The following PKD1 variants were observed in gnomAD, a reference collection of about 807,000 sequenced individuals.
The protein encoded by PKD1 is polycystin 1, transient receptor potential channel interacting, also known as polycystin-1.
A neutral mutation model predicts 361.7 loss-of-function variants in PKD1; 81 were observed. That is an observed-to-expected ratio of 0.22 (90% CI 0.19 to 0.27). PKD1 has a LOEUF of 0.27. Ranked by LOEUF, PKD1 falls within the 10% of genes least tolerant of loss-of-function variation. The pLI is 1.00. For synonymous variants in PKD1, 3,615 were observed against 2,818.3 expected (o/e 1.28, Z -8.95); for missense variants, 6,399 against 6,118.3 (o/e 1.05, Z -1.53).
chr16:2,096,898 C>G, intron 34 of PKD1: 1 of 574,772 alleles, frequency 1.7e-6, no homozygotes, highest in Non-Finnish European at 3.1e-6. Context: ...GCCAGCCTCA[C>G]ACAGGAGCCT....
At position 2,103,358 on chromosome 16, in the gene PKD1, T is replaced by A. The variant is rs780567347; in HGVS notation, c.8699A>T (p.Gln2900Leu). ...CACAGCACCGACGGAGGCCTGGGGC[T>A]GGACCACAACGGAGTTGGCGGAGTT... is the stretch of plus-strand genomic sequence containing the variant. Reference protein sequence around the residue: ...SANSANSVVVQPQASVGAVVT... With the variant: ...SANSANSVVVLPQASVGAVVT... Residue 2900 changes from glutamine (Q) to leucine (L), a missense_variant, in exon 23 of 46, where the codon CAG becomes CTG. Transcript: ENST00000262304. The A allele has an allele frequency of 7.5e-6, 12 of 1,604,346 alleles. No individual in the cohort carries two copies. Among genetic ancestry groups the A allele is most frequent in the Non-Finnish European group, 9.3e-6 (11 of 1,179,494 alleles).
Position 2,088,715 on chromosome 16 carries a change from C to T in PKD1, c.*1012G>A. 6 of 1,427,692 alleles carry T rather than the reference C, an allele frequency of 4.2e-6. No individual in the cohort carries two copies. Among genetic ancestry groups the T allele is most frequent in the Middle Eastern group, 1.8e-4 (1 of 5,456 alleles). 88.4% of individuals were successfully genotyped at this position (1,427,692 alleles called of 1,614,324 possible). ...CAGACATAGAGGCACAGATTGCAGT[C>T]AGACAGCTCTTTTATTGACTTTGTC... On this transcript the variant is annotated 3_prime_UTR_variant, in exon 46 of 46. Coordinates refer to ENST00000262304, the MANE Select transcript of PKD1 (RefSeq NM_001009944.3).
rs148812376 is a variant in PKD1, at chr16:2,099,955, G to A, written c.9829C>T (p.Arg3277Cys). The A allele has an allele frequency of 3.3e-4, 515 of 1,563,456 alleles. No individual in the cohort carries two copies. The highest frequency in any genetic ancestry group is 4.2e-4 in the Non-Finnish European group (487 of 1,155,454). The change falls in exon 29 of 46, where the codon CGC (arginine) becomes TGC (cysteine). Residue 3277 changes from arginine to cysteine, a missense_variant. Arg to Cys is a radical substitution (Grantham distance 180). Coordinates refer to ENST00000262304, the MANE Select transcript of PKD1 (RefSeq NM_001009944.3). Reference sequence around the variant, plus strand: ...ACGCAGCAGGTGGCCCTCTGGATGCGAGTGAAACGGCTACGAGGCGGCCGG... The same window carrying A: ...ACGCAGCAGGTGGCCCTCTGGATGCAAGTGAAACGGCTACGAGGCGGCCGG... Reference protein sequence around the residue: ...WDRPPRSRFTRIQRATCCVLL... With the variant: ...WDRPPRSRFTCIQRATCCVLL...
chr16:2,096,982 A>G (rs2091873897), intron 34 of PKD1, 166 bp downstream of exon 34: 1 of 632,164 alleles, frequency 1.6e-6, no homozygotes, highest in African/African-American at 1.8e-5. Flanking sequence ...GGATCCCATG[A>G]GGCTCTTTCC....
chr16:2,132,699 G>A (rs1389566990), intron 1 of PKD1, among the ~76,000 whole-genome samples: 4 of 151,978 alleles, frequency 2.6e-5, no homozygotes, highest in Non-Finnish European at 1.5e-5. Flanking sequence ...GTGGCATGAA[G>A]GAACTGTCTG....
Position 2,092,058 on chromosome 16 carries a change from C to G in PKD1, c.11400G>C (p.Pro3800=), listed in dbSNP as rs780113152. Residue 3800 remains proline (P), a synonymous_variant, in exon 40 of 46, where the codon CCG becomes CCC. Transcript: ENST00000262304. ...CTCGCTCTGCTCACCCCAGCAGATC[C>G]GGCGCTGAATAGGCCCACGTCCCCG... ...NGSGTWAYSA[P]DLLGAWSWGS... is the part of the protein sequence containing the mutation. The G allele has an allele frequency of 2.5e-6, 4 of 1,612,794 alleles. No individual in the cohort carries two copies. The East Asian group carries it at 6.7e-5, about 27-fold the overall frequency.
chr16:2,124,152 G>A (rs2092763569), intron 1 of PKD1, among the ~76,000 whole-genome samples: 2 of 152,190 alleles, frequency 1.3e-5, no homozygotes, highest in Non-Finnish European at 2.9e-5. Context: ...AGCAGAGGGT[G>A]TGGCCAGGCC....
At chr16:2,131,117 G>A (rs1271454569) in intron 1 of PKD1, among the ~76,000 whole-genome samples, 1 of 152,208 alleles carries the variant, frequency 6.6e-6, no homozygotes, top group African/African-American at 2.4e-5. Context: ...ACACCATGGA[G>A]GTGGCACCCC....
At chr16:2,111,969 C>G (rs1181962484) in intron 14 of PKD1, 98 bp from the exon 15 acceptor site, 6 of 1,307,932 alleles carry the variant, frequency 4.6e-6, no homozygotes, top group Non-Finnish European at 6.5e-6. Context: ...GGGTGAACGG[C>G]TGCACCTGCG....
chr16:2,088,906 T>G lies in PKD1; in HGVS notation c.*821A>C. On this transcript the variant is annotated 3_prime_UTR_variant, in exon 46 of 46. Transcript: ENST00000262304. ...GCACACACACACACACACAGTCACC[T>G]TCCTCCACCCTGGGAGCCAGCCCCC... is the stretch of plus-strand genomic sequence containing the variant. 5.0e-6 allele frequency: 2 copies of G among 398,742 alleles called. No individual in the cohort carries two copies. Among genetic ancestry groups the G allele is most frequent in the Non-Finnish European group, 9.2e-6 (2 of 217,090 alleles). 24.7% of individuals were successfully genotyped at this position (398,742 alleles called of 1,614,324 possible). A position where few individuals can be genotyped will look rare whatever the true frequency, so the allele number is the denominator to read the frequency against.
Position 2,113,177 on chromosome 16 carries a change from G to A in PKD1, c.2969C>T (p.Ala990Val), listed in dbSNP as rs995939747. ...VVFNVIYQSAAVFKLSLTASN... is the reference protein window; with the variant it reads ...VVFNVIYQSAVVFKLSLTASN... Reference sequence around the variant, plus strand: ...CCCACCTACTGAGAGCTTGAAGACCGCCGCGCTCTGATAAATGACATTGAA... The same window carrying A: ...CCCACCTACTGAGAGCTTGAAGACCACCGCGCTCTGATAAATGACATTGAA... Residue 990 changes from alanine to valine, a missense_variant, in exon 12 of 46, where the codon GCG becomes GTG. Transcript: ENST00000262304. The A allele has an allele frequency of 1.7e-5, 17 of 1,018,318 alleles. No individual in the cohort carries two copies. Among genetic ancestry groups the A allele is most frequent in the East Asian group, 7.2e-5 (3 of 41,872 alleles). 63.1% of individuals were successfully genotyped at this position (1,018,318 alleles called of 1,614,324 possible). A position where few individuals can be genotyped will look rare whatever the true frequency, so the allele number is the denominator to read the frequency against.
At chr16:2,126,307 G>A (rs1299200819) in intron 1 of PKD1, among the ~76,000 whole-genome samples, 2 of 152,252 alleles carry the variant, frequency 1.3e-5, no homozygotes, top group African/African-American at 4.8e-5. Flanking sequence ...CCTCTGCCTG[G>A]GCACAAAGCC....
At position 2,090,604 on chromosome 16, in the gene PKD1, GAC is replaced by G; in HGVS notation, c.12139-16_12139-15del. On this transcript the variant is annotated splice_polypyrimidine_tract_variant and intron_variant, in intron 44 of 45. Transcript: ENST00000262304. ...GGAAGACACGAGCTGCGGGGAAGGCGACACCAGTGAGGGCGTACAGCTGAGCT... is the reference window on the plus strand; with the variant it reads ...GGAAGACACGAGCTGCGGGGAAGGCGACCAGTGAGGGCGTACAGCTGAGCT... 6.2e-7 allele frequency: 1 copy of G among 1,608,316 alleles called. No homozygotes were observed. Among genetic ancestry groups the G allele is most frequent in the Non-Finnish European group, 8.5e-7 (1 of 1,179,698 alleles).
intron 1 of PKD1, among the ~76,000 whole-genome samples, chr16:2,132,920 A>G (rs964302188): frequency 1.3e-5 from 2 of 150,888 alleles, no homozygotes; most frequent in Non-Finnish European, 2.9e-5. Flanking sequence ...TGTCTCTACT[A>G]AAAATACAAA....
At position 2,110,913 on chromosome 16, in the gene PKD1, G is replaced by C. The variant is rs534285695; in HGVS notation, c.4254C>G (p.Thr1418=). The change falls in exon 15 of 46, where the codon ACC becomes ACG. Residue 1418 remains threonine, a synonymous_variant. Transcript: ENST00000262304. ...FPYRYTWDFG[T]EEAAPTRARG... is the part of the protein sequence containing the mutation. ...TGGCACGGGTGGGGGCGGCTTCCTC[G>C]GTGCCAAAGTCCCAGGTGTAGCGGT... is the stretch of plus-strand genomic sequence containing the variant. The C allele has an allele frequency of 1.9e-6, 3 of 1,611,322 alleles. No homozygotes were observed. Among genetic ancestry groups the C allele is most frequent in the Non-Finnish European group, 2.5e-6 (3 of 1,179,830 alleles).
At chr16:2,130,474 C>A (rs2092859211) in intron 1 of PKD1, among the ~76,000 whole-genome samples, 1 of 152,252 alleles carries the variant, frequency 6.6e-6, no homozygotes, top group African/African-American at 2.4e-5. Context: ...GGAGAATCAT[C>A]TGCGTGTTGG....
Position 2,106,805 on chromosome 16 carries a change from C to T in PKD1, c.7209G>A (p.Gly2403=), listed in dbSNP as rs1174421959. ...CLNCSSGSKR[G]RWAARTFSNK... ...CGCCCACACCCCGCTCAACACTCACCCCTCGCTTGGAGCCGCTGCTGCAAT... is the reference window on the plus strand; with the variant it reads ...CGCCCACACCCCGCTCAACACTCACTCCTCGCTTGGAGCCGCTGCTGCAAT... The change falls in exon 17 of 46, where the codon GGG becomes GGA. Residue 2403 remains glycine, a splice_region_variant and synonymous_variant. Coordinates refer to ENST00000262304, the MANE Select transcript of PKD1 (RefSeq NM_001009944.3). The surrounding 1 kb of genome is among the most constrained non-coding windows in gnomAD (Gnocchi z 6.5). 19 of 1,547,180 alleles carry T rather than the reference C, an allele frequency of 1.2e-5. No individual in the cohort carries two copies. The highest frequency in any genetic ancestry group is 1.6e-5 in the Non-Finnish European group (18 of 1,139,350).
intron 23 of PKD1, 91 bp from the exon 24 acceptor site, chr16:2,103,061 A>G: frequency 2.7e-6 from 4 of 1,457,686 alleles, no homozygotes; most frequent in Non-Finnish European, 3.8e-6. Flanking sequence ...ACCCTCTGCC[A>G]CGGGCCTGAA....
chr16:2,106,974 A>C lies in PKD1; in HGVS notation c.7066-26T>G. The C allele has an allele frequency of 6.3e-7, 1 of 1,577,914 alleles. No homozygotes were observed. The highest frequency in any genetic ancestry group is 8.6e-7 in the Non-Finnish European group (1 of 1,164,926). On this transcript the variant is annotated intron_variant, in intron 16 of 45. Transcript: ENST00000262304. This position sits in a 1 kb window ranked among gnomAD's most constrained non-coding sequence, Gnocchi z 6.5. The stretch of plus-strand genomic sequence containing the variant: ...CTGGCGTGGGAGTGGGGTTACCTCC[A>C]ACACAGGTCTATTTGGCCTGCTGGA...
Sources: allele counts gnomAD v4.1 joint callset (sites outside exome capture counted in the v4.1 genomes callset), GRCh38; gene constraint gnomAD v4.1.1; non-coding constraint Gnocchi (gnomAD v3.1); transcripts MANE v1.5; gene names NCBI Gene and HGNC (gene_info 2026-07-23, HGNC 2026-07-21).